The following IGSF5 variants were observed in gnomAD, a reference collection of about 807,000 sequenced individuals.
IGSF5 encodes the protein immunoglobulin superfamily member 5.
Under a neutral mutation model 39.4 loss-of-function variants are expected in IGSF5, and 41 were observed. The observed-to-expected ratio is 1.04, with a 90% CI of 0.81 to 1.35. The LOEUF is 1.35. Among genes scored for constraint, IGSF5 ranks in the 40% most tolerant of loss-of-function variants. The probability of loss-of-function intolerance (pLI) is 0.00; values close to 1 mark genes in which losing one functional copy is unlikely to be tolerated. For missense variants in IGSF5, 487 were observed against 494.6 expected (o/e 0.98, Z 0.15); for synonymous variants, 183 against 175.3 (o/e 1.04, Z -0.34).
intron 2 of IGSF5, among the ~76,000 whole-genome samples, chr21:39,749,248 T>C (rs1158406639): frequency 1.3e-5 from 2 of 150,486 alleles, no homozygotes; most frequent in Admixed American, 6.6e-5. Context: ...AATCTCGCCA[T>C]GTCACCCAGG....
At chr21:39,775,318 C>G in intron 4 of IGSF5, among the ~76,000 whole-genome samples, 1 of 152,128 alleles carries the variant, frequency 6.6e-6, no homozygotes, top group East Asian at 1.9e-4. Context: ...GGTCCTTGCT[C>G]CAGAGCACAT....
chr21:39,771,761 T>A (rs2080115917), intron 4 of IGSF5, among the ~76,000 whole-genome samples: 1 of 152,192 alleles, frequency 6.6e-6, no homozygotes, highest in Non-Finnish European at 1.5e-5. Context: ...CCCTAAAGAA[T>A]CTCCTGTGGG....
intron 2 of IGSF5, among the ~76,000 whole-genome samples, chr21:39,765,228 C>A (rs550297385): frequency 1.3e-5 from 2 of 152,306 alleles, no homozygotes; most frequent in East Asian, 3.9e-4. Context: ...CTAATTACAT[C>A]TGCAAAGACC....
chr21:39,724,643 C>A, the IGSF5 span, among the ~76,000 whole-genome samples: 1 of 152,212 alleles, frequency 6.6e-6, no homozygotes, highest in South Asian at 2.1e-4. Flanking sequence ...AGTGTAAGTC[C>A]AACAAATCTC....
At chr21:39,716,772 A>G in the IGSF5 span, among the ~76,000 whole-genome samples, 13,156 of 152,186 alleles carry the variant, frequency 0.086, 695 homozygotes, top group East Asian at 0.21. Flanking sequence ...GGTTGATTCT[A>G]TGTCTTTGCT....
chr21:39,753,995 T>A (rs1040497268), intron 2 of IGSF5, among the ~76,000 whole-genome samples: 22 of 152,286 alleles, frequency 1.4e-4, no homozygotes, highest in African/African-American at 5.3e-4. Flanking sequence ...TTACATTAGG[T>A]CAATATTAAG....
intron 1 of IGSF5, 38 bp from the exon 2 acceptor site, chr21:39,746,178 C>A (rs1030532926): frequency 7.1e-6 from 5 of 701,472 alleles, no homozygotes; most frequent in African/African-American, 3.5e-5. Context: ...GAGCCTTTAG[C>A]CTGATTGGAA....
chr21:39,787,411 C>T (rs16998482), intron 5 of IGSF5, among the ~76,000 whole-genome samples: 2,164 of 152,240 alleles, frequency 0.014, 50 homozygotes, highest in African/African-American at 0.049. Context: ...CAGTAAAGCT[C>T]GGTTGTAAAG....
chr21:39,768,597 A>G (rs1357140726), intron 3 of IGSF5, among the ~76,000 whole-genome samples: 2 of 152,204 alleles, frequency 1.3e-5, no homozygotes, highest in Non-Finnish European at 1.5e-5. Context: ...TGAGGGCTGC[A>G]AGGACTTGAG....
chr21:39,779,225 TA>T lies in IGSF5; in HGVS notation c.855del (p.Arg286AlafsTer121). 6.2e-7 allele frequency: 1 copy of T among 1,613,412 alleles called. No individual in the cohort carries two copies. Among genetic ancestry groups the T allele is most frequent in the South Asian group, 1.1e-5 (1 of 91,082 alleles). On this transcript the variant is annotated frameshift_variant, in exon 5 of 9. Coordinates refer to ENST00000380588, the MANE Select transcript of IGSF5 (RefSeq NM_001080444.2). LOFTEE classifies it high-confidence loss of function. ...CTGACGCCGACGTGTACTCTTACAA[TA>T]CGCTGCTGCTGCTGCCGCCGTCGTT... is the stretch of plus-strand genomic sequence containing the variant. ...MLLTPTCTLT[I>X]RCCCCRRRCC...
chr21:39,793,952 A>C (rs368317312), intron 8 of IGSF5, among the ~76,000 whole-genome samples: 1 of 152,118 alleles, frequency 6.6e-6, no homozygotes, highest in Admixed American at 6.6e-5. Flanking sequence ...TTTGAGCCAT[A>C]TTCTCCCAGG....
At chr21:39,762,299 A>C (rs2080065373) in intron 2 of IGSF5, among the ~76,000 whole-genome samples, 1 of 152,218 alleles carries the variant, frequency 6.6e-6, no homozygotes, top group South Asian at 2.1e-4. Context: ...GGTGATCAGG[A>C]TTACAACTTA....
chr21:39,747,740 C>A (rs937093858), intron 2 of IGSF5, among the ~76,000 whole-genome samples: 1 of 152,164 alleles, frequency 6.6e-6, no homozygotes, highest in Non-Finnish European at 1.5e-5. Flanking sequence ...AGGTCATTAA[C>A]ATAATTTGTG....
chr21:39,734,673 G>T, the IGSF5 span, among the ~76,000 whole-genome samples: 2 of 151,924 alleles, frequency 1.3e-5, no homozygotes, highest in Non-Finnish European at 2.9e-5. Flanking sequence ...AGTGATGCTG[G>T]TATTCGCCAC....
At chr21:39,765,418 G>A in intron 2 of IGSF5, 117 bp from the exon 3 acceptor site, 1 of 866,274 alleles carries the variant, frequency 1.2e-6, no homozygotes, top group Non-Finnish European at 1.8e-6. Context: ...GACACAGTCT[G>A]AGTCACTGGA....
intron 5 of IGSF5, among the ~76,000 whole-genome samples, chr21:39,787,552 G>GTTTTTTTTTTTTTT (rs33925299): frequency 8.3e-6 from 1 of 119,908 alleles, no homozygotes; most frequent in East Asian, 2.5e-4. Context: ...TAATGACAGT[G>GTTTTTTTTTTTTTT]TTTTTTTTTT....
chr21:39,779,070 T>A lies in IGSF5; in HGVS notation c.719-20T>A, dbSNP rs950279868. 2 of 1,609,964 alleles carry A rather than the reference T, an allele frequency of 1.2e-6. No homozygotes were observed. The highest frequency in any genetic ancestry group is 1.7e-6 in the Non-Finnish European group (2 of 1,177,118). On this transcript the variant is annotated intron_variant, in intron 4 of 8. Coordinates refer to ENST00000380588, the MANE Select transcript of IGSF5 (RefSeq NM_001080444.2). ...CTAGGCAGTGCAAGTATCACTAAAATATATTTTTTTCTTCTTTAGACACTG... is the reference window on the plus strand; with the variant it reads ...CTAGGCAGTGCAAGTATCACTAAAAAATATTTTTTTCTTCTTTAGACACTG...
chr21:39,739,232 CTT>C, the IGSF5 span, among the ~76,000 whole-genome samples: 2 of 150,600 alleles, frequency 1.3e-5, no homozygotes, highest in Middle Eastern at 3.5e-3. Context: ...GTCCCGCCCT[CTT>C]TTTCTTTTTT....
chr21:39,760,813 G>T (rs1356591985), intron 2 of IGSF5, among the ~76,000 whole-genome samples: 1 of 152,012 alleles, frequency 6.6e-6, no homozygotes, highest in African/African-American at 2.4e-5. Flanking sequence ...CTCATGATCC[G>T]CCCACCTCGG....
Sources: allele counts gnomAD v4.1 joint callset (sites outside exome capture counted in the v4.1 genomes callset), GRCh38; gene constraint gnomAD v4.1.1; transcripts MANE v1.5; gene names NCBI Gene and HGNC (gene_info 2026-07-23, HGNC 2026-07-21).